The following ZNF18 variants were observed in gnomAD, a reference collection of about 807,000 sequenced individuals.
ZNF18 encodes the protein zinc finger protein 18.
A neutral mutation model predicts 58.1 loss-of-function variants in ZNF18; 42 were observed. The ratio of observed to expected loss-of-function variants is 0.72; its 90% CI spans 0.56 to 0.93. ZNF18 has a LOEUF of 0.93. ZNF18 is among the 40% of genes least tolerant of loss of function. The pLI is 0.00. For missense variants in ZNF18, 540 were observed against 644.2 expected (o/e 0.84, Z 1.75); for synonymous variants, 231 against 239.8 (o/e 0.96, Z 0.34).
chr17:11,982,284 T>G (rs1201812012), intron 6 of ZNF18, among the ~76,000 whole-genome samples: 1 of 152,236 alleles, frequency 6.6e-6, no homozygotes, highest in African/African-American at 2.4e-5. Flanking sequence ...ACACAGTACA[T>G]GCACACATAT....
At chr17:12,017,613 C>G in the ZNF18 span, among the ~76,000 whole-genome samples, 3 of 152,174 alleles carry the variant, frequency 2.0e-5, no homozygotes, top group Non-Finnish European at 4.4e-5. Context: ...TGCAGTGGCT[C>G]ACCCTTGTAA....
chr17:12,021,088 C>G, the ZNF18 span: 1 of 804,894 alleles, frequency 1.2e-6, no homozygotes, highest in East Asian at 3.8e-5. Context: ...GCCCCCGGAC[C>G]CGGCTGAGGA....
chr17:12,007,480 A>G, the ZNF18 span, among the ~76,000 whole-genome samples: 1 of 152,088 alleles, frequency 6.6e-6, no homozygotes, highest in Admixed American at 6.6e-5. Context: ...TGATTTTTGT[A>G]CGGTCACTTG....
chr17:12,021,068 CCCAGCGGACG>C, the ZNF18 span: 8 of 971,840 alleles, frequency 8.2e-6, no homozygotes, highest in Admixed American at 3.6e-4. Context: ...CGCGGCCTGC[CCCAGCGGACG>C]CCCCCGGACC....
chr17:12,018,510 G>A, the ZNF18 span, among the ~76,000 whole-genome samples: 4 of 152,116 alleles, frequency 2.6e-5, no homozygotes, highest in South Asian at 2.1e-4. Flanking sequence ...GGGCCCACTC[G>A]TATGACCTCA....
At chr17:11,983,133 G>C (rs994771046) in intron 6 of ZNF18, among the ~76,000 whole-genome samples, 164 bp downstream of exon 6, 20 of 152,142 alleles carry the variant, frequency 1.3e-4, no homozygotes, top group African/African-American at 4.6e-4. Flanking sequence ...GAGATAAGTA[G>C]ACTCAATCTC....
At chr17:12,003,747 T>C in the ZNF18 span, among the ~76,000 whole-genome samples, 1 of 152,234 alleles carries the variant, frequency 6.6e-6, no homozygotes, top group Non-Finnish European at 1.5e-5. Flanking sequence ...AGTCATTCCA[T>C]GCTTAGGCAG....
At chr17:11,999,928 T>TTTGTTG (rs752414660), upstream of ZNF18, among the ~76,000 whole-genome samples, 4 of 152,088 alleles carry the variant, frequency 2.6e-5, no homozygotes, top group Non-Finnish European at 5.9e-5. Flanking sequence ...TGCAAAAGTT[T>TTTGTTG]TTGTTGTTGT....
chr17:12,013,815 C>T, the ZNF18 span, among the ~76,000 whole-genome samples: 121 of 152,228 alleles, frequency 7.9e-4, 3 homozygotes, highest in East Asian at 0.023. Context: ...TGATAAAGTG[C>T]TTCATCAACT....
the ZNF18 span, among the ~76,000 whole-genome samples, chr17:12,013,371 T>C: frequency 2.0e-5 from 3 of 152,264 alleles, no homozygotes; most frequent in African/African-American, 4.8e-5. Flanking sequence ...AAGAGAATTT[T>C]TTAGAAATTT....
chr17:12,012,432 A>G, the ZNF18 span, among the ~76,000 whole-genome samples: 22 of 152,350 alleles, frequency 1.4e-4, no homozygotes, highest in African/African-American at 5.3e-4. Context: ...CCTTGGACAT[A>G]TATCATTTTG....
intron 6 of ZNF18, among the ~76,000 whole-genome samples, chr17:11,981,639 G>A (rs1422418797): frequency 6.7e-6 from 1 of 150,306 alleles, no homozygotes; most frequent in African/African-American, 2.5e-5. Context: ...GTGGGATGAA[G>A]GAAAAACAAA....
the ZNF18 span, among the ~76,000 whole-genome samples, chr17:12,015,772 G>C: frequency 2.0e-5 from 3 of 151,942 alleles, no homozygotes; most frequent in East Asian, 5.8e-4. Flanking sequence ...CCTATAATTA[G>C]CTAGAGTTTT....
At chr17:12,000,822 G>GTTAT (rs1567613129), upstream of ZNF18, among the ~76,000 whole-genome samples, 1 of 152,182 alleles carries the variant, frequency 6.6e-6, no homozygotes, top group Non-Finnish European at 1.5e-5. Flanking sequence ...TAAAATCACT[G>GTTAT]GTGACCTTGA....
upstream of ZNF18, chr17:12,002,292 C>CCGG (rs1968671887): frequency 6.6e-6 from 1 of 152,058 alleles, no homozygotes; most frequent in South Asian, 2.1e-4. Flanking sequence ...CCCAGCTACT[C>CCGG]AGGAGGCTGA....
chr17:12,010,716 G>A, the ZNF18 span: 3 of 214,612 alleles, frequency 1.4e-5, no homozygotes, highest in East Asian at 1.3e-4. Context: ...GCGCCCCGCC[G>A]GTCTTTTATT....
chr17:11,979,293 A>G (rs1967192467), intron 6 of ZNF18, among the ~76,000 whole-genome samples: 1 of 152,224 alleles, frequency 6.6e-6, no homozygotes, highest in African/African-American at 2.4e-5. Context: ...AATTTGTGTC[A>G]TATTGTACAT....
In ZNF18 at chr17:11,983,301, G is replaced by A. The variant is rs759002581; in HGVS notation, c.858C>T (p.Cys286=). The part of the protein sequence containing the change: ...HVNEKIPRPT[C]IGDRQENDKE... ...GACCAATGAAAGATTACTCACCTAT[G>A]CAGGTGGGTCTTGGGATCTTCTCAT... Residue 286 remains cysteine (C), a synonymous_variant, in exon 6 of 7, where the codon TGC becomes TGT. Coordinates refer to ENST00000580306, the MANE Select transcript of ZNF18 (RefSeq NM_001303281.2). 6 of 1,598,528 alleles carry A rather than the reference G, an allele frequency of 3.8e-6. No homozygotes were observed. The highest frequency in any genetic ancestry group is 5.1e-6 in the Non-Finnish European group (6 of 1,165,858).
At chr17:11,992,391 A>T (rs900489064) in intron 2 of ZNF18, 52 bp downstream of exon 2, 2 of 1,573,556 alleles carry the variant, frequency 1.3e-6, no homozygotes, top group East Asian at 2.2e-5. Context: ...ACCTGATGGG[A>T]CCAGAGAGGA....
Sources: allele counts gnomAD v4.1 joint callset (sites outside exome capture counted in the v4.1 genomes callset), GRCh38; gene constraint gnomAD v4.1.1; transcripts MANE v1.5; gene names NCBI Gene and HGNC (gene_info 2026-07-23, HGNC 2026-07-21).